Variants in SLC25A30 observed in about 807,000 individuals in gnomAD.
SLC25A30 encodes the protein kidney mitochondrial carrier protein 1.
Under a neutral mutation model 42.7 loss-of-function variants are expected in SLC25A30, and 29 were observed. The observed-to-expected ratio is 0.68, with a 90% CI of 0.51 to 0.93. SLC25A30 has a LOEUF of 0.93. SLC25A30 is among the 40% of genes least tolerant of loss of function. The probability of loss-of-function intolerance (pLI) is 0.00; values close to 1 mark genes in which losing one functional copy is unlikely to be tolerated. For synonymous variants in SLC25A30, 124 were observed against 131.0 expected (o/e 0.95, Z 0.37); for missense variants, 300 against 359.7 (o/e 0.83, Z 1.34).
At chr13:45,423,990 T>TAAATATATAA in the SLC25A30 span, among the ~76,000 whole-genome samples, 1 of 87,176 alleles carries the variant, frequency 1.1e-5, no homozygotes, top group Non-Finnish European at 2.0e-5. Context: ...TATATTTATA[T>TAAATATATAA]AAATATATAT....
Position 45,393,770 on chromosome 13 carries a change from A to G in SLC25A30, c.*2204T>C. On this transcript the variant is annotated 3_prime_UTR_variant, in exon 10 of 10. Transcript: ENST00000519676. Reference sequence around the variant, plus strand: ...AAGATCCTGTTCAATAAGGCACTTAATAAGTCTACACTGAAGAAATACTAT... The same window carrying G: ...AAGATCCTGTTCAATAAGGCACTTAGTAAGTCTACACTGAAGAAATACTAT... 1 of 985,460 alleles carries G rather than the reference A, an allele frequency of 1.0e-6. No individual in the cohort carries two copies. Among genetic ancestry groups the G allele is most frequent in the Non-Finnish European group, 1.2e-6 (1 of 829,918 alleles). The allele number at this position is 985,460 out of a possible 1,614,324, so 61.0% of individuals were successfully genotyped here. A position where few individuals can be genotyped will look rare whatever the true frequency, so the allele number is the denominator to read the frequency against.
chr13:45,425,289 C>T, the SLC25A30 span, among the ~76,000 whole-genome samples: 6 of 91,410 alleles, frequency 6.6e-5, no homozygotes, highest in South Asian at 5.9e-4. Flanking sequence ...AATATATGTA[C>T]GTATATATAC....
intron 3 of SLC25A30, among the ~76,000 whole-genome samples, chr13:45,407,116 C>T (rs938976415): frequency 3.3e-5 from 5 of 151,228 alleles, no homozygotes; most frequent in African/African-American, 9.7e-5. Context: ...ATAAAAGTAG[C>T]GCCAGACACG....
rs1881268866 is a variant in SLC25A30, at chr13:45,395,849, C to T, written c.*125G>A. 1 of 1,593,568 alleles carries T rather than the reference C, an allele frequency of 6.3e-7. No homozygotes were observed. Among genetic ancestry groups the T allele is most frequent in the Admixed American group, 1.7e-5 (1 of 58,650 alleles). On this transcript the variant is annotated 3_prime_UTR_variant, in exon 10 of 10. Coordinates refer to ENST00000519676, the MANE Select transcript of SLC25A30 (RefSeq NM_001010875.4). ...CAGCAATCTCAACTAACCCAGTCTT[C>T]ATCTGTTGCTCACATCCCAGAATCT...
chr13:45,404,833 T>C (rs564208886), intron 4 of SLC25A30, among the ~76,000 whole-genome samples: 1 of 152,274 alleles, frequency 6.6e-6, no homozygotes, highest in South Asian at 2.1e-4. Flanking sequence ...AATAAAAGTA[T>C]GTTTCATGAA....
chr13:45,405,839 C>G (rs772864008), intron 4 of SLC25A30, 44 bp downstream of exon 4: 2 of 1,581,852 alleles, frequency 1.3e-6, no homozygotes, highest in Non-Finnish European at 1.7e-6. Flanking sequence ...AAAAGACAGA[C>G]AACCAACCTC....
At chr13:45,425,761 C>T in the SLC25A30 span, among the ~76,000 whole-genome samples, 3 of 144,400 alleles carry the variant, frequency 2.1e-5, no homozygotes, top group Non-Finnish European at 4.5e-5. Flanking sequence ...GGTGGGAACT[C>T]GGCTCACTGC....
At chr13:45,423,811 TAA>T in the SLC25A30 span, among the ~76,000 whole-genome samples, 736 of 38,338 alleles carry the variant, frequency 0.019, 21 homozygotes, top group Non-Finnish European at 0.03. Context: ...TTTATATATA[TAA>T]AAATATAAAT....
intron 1 of SLC25A30, among the ~76,000 whole-genome samples, chr13:45,412,732 CATA>C (rs1883143225): frequency 1.3e-5 from 2 of 152,128 alleles, no homozygotes; most frequent in Admixed American, 6.5e-5. Context: ...CTTCCTTTTC[CATA>C]ATAAGACCTT....
the SLC25A30 span, among the ~76,000 whole-genome samples, chr13:45,425,585 A>AATATATATATAC: frequency 2.8e-5 from 2 of 71,048 alleles, 1 homozygote; most frequent in Non-Finnish European, 5.8e-5. Flanking sequence ...TATATATATA[A>AATATATATATAC]ATATATATAT....
chr13:45,428,517 C>CTTTTTTTT, the SLC25A30 span, among the ~76,000 whole-genome samples: 2 of 92,556 alleles, frequency 2.2e-5, no homozygotes, highest in Non-Finnish European at 4.1e-5. Flanking sequence ...TTCTTTTTAA[C>CTTTTTTTT]TTTTTTTTTT....
chr13:45,416,260 T>A (rs1236554890), intron 1 of SLC25A30, among the ~76,000 whole-genome samples: 1 of 151,300 alleles, frequency 6.6e-6, no homozygotes, highest in African/African-American at 2.4e-5. Context: ...ATACAAAAAT[T>A]AGCCAGGCAT....
At chr13:45,406,105 C>T (rs1460765225) in intron 3 of SLC25A30, 128 bp from the exon 4 acceptor site, 26 of 699,292 alleles carry the variant, frequency 3.7e-5, no homozygotes, top group South Asian at 7.2e-5. Flanking sequence ...TTTTTTGAGA[C>T]GGAGTTTCGC....
chr13:45,413,155 GTA>G (rs1566213517), intron 1 of SLC25A30, among the ~76,000 whole-genome samples: 1 of 152,126 alleles, frequency 6.6e-6, no homozygotes, highest in Non-Finnish European at 1.5e-5. Context: ...TTACAAATGA[GTA>G]AAATAGAAGG....
chr13:45,412,033 C>CTT, intron 1 of SLC25A30: 1 of 150,442 alleles, frequency 6.6e-6, no homozygotes, highest in Admixed American at 7.0e-5. Flanking sequence ...GTGGGGATCA[C>CTT]ATCCCTCAGG....
the SLC25A30 span, among the ~76,000 whole-genome samples, chr13:45,425,617 A>AGT: frequency 2.1e-5 from 1 of 48,488 alleles, no homozygotes; most frequent in African/African-American, 6.4e-5. Flanking sequence ...TACATATATA[A>AGT]ATATATATAT....
chr13:45,409,161 A>G lies in SLC25A30; in HGVS notation c.65-87T>C. ...GTGATATATTACTGAGGAAACATTC[A>G]GACTACAATATAAACTAAGAAAGTG... On this transcript the variant is annotated intron_variant, in intron 2 of 9. Transcript: ENST00000519676. 7.4e-6 allele frequency: 7 copies of G among 945,410 alleles called. No homozygotes were observed. In the Middle Eastern group the frequency reaches 1.1e-3, roughly 142 times the overall value. 58.6% of individuals were successfully genotyped at this position (945,410 alleles called of 1,614,324 possible).
chr13:45,423,045 T>G (rs1030396417), upstream of SLC25A30, among the ~76,000 whole-genome samples: 1 of 152,106 alleles, frequency 6.6e-6, no homozygotes, highest in African/African-American at 2.4e-5. Context: ...AGTCTTCCCA[T>G]GAAACAGTAA....
rs773340547 is a variant in SLC25A30 at position 45,401,092 on chromosome 13, G to A, written c.605C>T (p.Thr202Ile). 167 of 1,612,820 alleles carry A rather than the reference G, an allele frequency of 1.0e-4. 1 individual carries two copies. Among genetic ancestry groups the A allele is most frequent in the Admixed American group, 2.0e-4 (12 of 59,998 alleles). Residue 202 changes from threonine (T) to isoleucine (I), a missense_variant, in exon 7 of 10, where the codon ACC becomes ATC. Physicochemically the swap from Thr to Ile is moderately conservative, Grantham distance 89. Transcript: ENST00000519676. The part of the protein sequence containing the change: ...LSGLMGDTVY[T>I]HFLSSFTCGL... ...AAAGCCATGAACATACAGGAAGTGG[G>A]TATACACAGTGTCTCCCATCAGGCC...
Sources: gnomAD v4.1 joint callset for allele counts (sites outside exome capture counted in the v4.1 genomes callset) on GRCh38, gnomAD v4.1.1 for gene constraint, MANE v1.5 for transcripts, NCBI Gene and HGNC (gene_info 2026-07-23, HGNC 2026-07-21) for gene names.